The following MYRIP variants were observed in gnomAD, a reference collection of about 807,000 sequenced individuals.
The protein encoded by MYRIP is myosin VIIA and Rab interacting protein.
MYRIP carries 49 observed loss-of-function variants against 98.0 expected under a neutral mutation model. The observed-to-expected ratio is 0.50, with a 90% confidence interval of 0.40 to 0.63. The LOEUF (loss-of-function observed/expected upper bound fraction) is 0.63, where lower values mean the gene tolerates loss of function less well. Among genes scored for constraint, MYRIP ranks in the 30% least tolerant of loss-of-function variants. The pLI is 0.00. For synonymous variants in MYRIP, 404 were observed against 409.5 expected (o/e 0.99, Z 0.16); for missense variants, 1,004 against 1,058.2 (o/e 0.95, Z 0.71).
chr3:39,834,912 A>G (rs1490432127), intron 1 of MYRIP, among the ~76,000 whole-genome samples: 3 of 152,176 alleles, frequency 2.0e-5, no homozygotes, highest in Admixed American at 2.0e-4. Flanking sequence ...AAACAATACA[A>G]TGAGAAAATA....
intron 3 of MYRIP, among the ~76,000 whole-genome samples, chr3:40,073,660 A>G (rs965532012): frequency 2.6e-5 from 4 of 152,220 alleles, no homozygotes; most frequent in African/African-American, 9.7e-5. Context: ...TGCCCTTCTT[A>G]TTAGCATGTA....
intron 2 of MYRIP, among the ~76,000 whole-genome samples, chr3:40,033,062 A>T (rs2125820438): frequency 6.6e-6 from 1 of 151,138 alleles, no homozygotes; most frequent in South Asian, 2.1e-4. Flanking sequence ...TATTGATGGG[A>T]CGTATCTCAA....
At chr3:40,080,782 T>C (rs968441318) in intron 3 of MYRIP, among the ~76,000 whole-genome samples, 3 of 141,580 alleles carry the variant, frequency 2.1e-5, no homozygotes, top group African/African-American at 7.6e-5. Flanking sequence ...TTGTTTTCTA[T>C]CCTAACTTCT....
At chr3:40,105,789 G>A (rs554575290) in intron 3 of MYRIP, among the ~76,000 whole-genome samples, 24 of 152,160 alleles carry the variant, frequency 1.6e-4, no homozygotes, top group African/African-American at 5.5e-4. Context: ...AGGCAGGAAG[G>A]GGCAAGAACC....
At chr3:39,903,897 A>G (rs1943810123) in intron 2 of MYRIP, among the ~76,000 whole-genome samples, 1 of 152,184 alleles carries the variant, frequency 6.6e-6, no homozygotes, top group Non-Finnish European at 1.5e-5. Flanking sequence ...CCTTAGTATC[A>G]TCTAATGTCC....
rs534749211 is a variant in MYRIP at position 40,160,699 on chromosome 3, C to T, written c.470-2031C>T. 4.6e-3 allele frequency among the ~76,000 whole-genome samples: 694 copies of T among 149,990 alleles called. 10 individuals are homozygous for T. Among genetic ancestry groups the T allele is most frequent in the Admixed American group, 6.2e-3 (93 of 15,002 alleles). ...AGGTGCGGGATATAATCTCCTAGTG[C>T]GCCATTTTTTAAGCCTGTCGGAAAA... On this transcript the variant is annotated intron_variant, in intron 4 of 16. Transcript: ENST00000302541.
chr3:40,061,227 C>T (rs1002305006), intron 3 of MYRIP, among the ~76,000 whole-genome samples: 4 of 152,186 alleles, frequency 2.6e-5, no homozygotes, highest in Admixed American at 6.5e-5. Context: ...GCTCCTCTCC[C>T]TTCTCCTACC....
At chr3:40,136,282 A>G (rs561429242) in intron 3 of MYRIP, among the ~76,000 whole-genome samples, 1 of 152,356 alleles carries the variant, frequency 6.6e-6, no homozygotes, top group Non-Finnish European at 1.5e-5. Flanking sequence ...CAAAAGAGAC[A>G]AAGAAGGCCA....
intron 3 of MYRIP, among the ~76,000 whole-genome samples, chr3:40,102,861 T>C (rs1198256468): frequency 2.0e-5 from 3 of 152,042 alleles, no homozygotes; most frequent in Non-Finnish European, 1.5e-5. Context: ...ACCTACACAC[T>C]CCTACAAACA....
chr3:39,887,655 A>G (rs1181439368), intron 1 of MYRIP, among the ~76,000 whole-genome samples: 1 of 152,140 alleles, frequency 6.6e-6, no homozygotes, highest in African/African-American at 2.4e-5. Context: ...CCTATTCAAC[A>G]TAGTGTTGAA....
At chr3:40,241,388 C>A (rs1953010474) in intron 12 of MYRIP, among the ~76,000 whole-genome samples, 1 of 152,144 alleles carries the variant, frequency 6.6e-6, no homozygotes, top group Non-Finnish European at 1.5e-5. Context: ...AGCACTAGAA[C>A]TTGTGGAGAC....
chr3:40,032,815 C>T (rs1947291110), intron 2 of MYRIP, among the ~76,000 whole-genome samples: 1 of 152,114 alleles, frequency 6.6e-6, no homozygotes, highest in South Asian at 2.1e-4. Context: ...ATGCAAAAAT[C>T]CTCAATAAAA....
At chr3:40,236,177 TG>T (rs1054915275) in intron 12 of MYRIP, among the ~76,000 whole-genome samples, 2 of 152,228 alleles carry the variant, frequency 1.3e-5, no homozygotes, top group Non-Finnish European at 2.9e-5. Flanking sequence ...GTGTTACAAT[TG>T]CCTACAGTAT....
chr3:39,959,330 A>G, intron 2 of MYRIP, among the ~76,000 whole-genome samples: 1 of 152,228 alleles, frequency 6.6e-6, no homozygotes, highest in Non-Finnish European at 1.5e-5. Flanking sequence ...ACACCATGGA[A>G]TACTATGCAG....
chr3:40,163,519 T>C (rs1000818233), intron 5 of MYRIP, among the ~76,000 whole-genome samples: 4 of 152,168 alleles, frequency 2.6e-5, no homozygotes, highest in African/African-American at 9.7e-5. Context: ...TCAGTATGAG[T>C]AGGTGTCATC....
intron 1 of MYRIP, among the ~76,000 whole-genome samples, chr3:39,821,026 G>T: frequency 6.6e-6 from 1 of 152,092 alleles, no homozygotes; most frequent in East Asian, 1.9e-4. Flanking sequence ...TTTTATAAAT[G>T]ATCTGAAAGC....
At chr3:40,184,578 G>T (rs1388605090) in intron 9 of MYRIP, among the ~76,000 whole-genome samples, 1 of 152,160 alleles carries the variant, frequency 6.6e-6, no homozygotes, top group Non-Finnish European at 1.5e-5. Context: ...TGCATTATAA[G>T]TGTCTCTCTA....
At chr3:39,986,740 G>A (rs1256320844) in intron 2 of MYRIP, among the ~76,000 whole-genome samples, 1 of 152,186 alleles carries the variant, frequency 6.6e-6, no homozygotes, top group African/African-American at 2.4e-5. Flanking sequence ...AGGGGGTGGA[G>A]TGGATTCCTG....
chr3:40,172,438 G>A (rs1330926340), intron 8 of MYRIP, among the ~76,000 whole-genome samples: 2 of 152,128 alleles, frequency 1.3e-5, no homozygotes, highest in Non-Finnish European at 2.9e-5. Context: ...AAGCGGGAAG[G>A]AACTTGGCAT....
Sources: gnomAD v4.1 joint callset for allele counts (sites outside exome capture counted in the v4.1 genomes callset) on GRCh38, gnomAD v4.1.1 for gene constraint, MANE v1.5 for transcripts, NCBI Gene and HGNC (gene_info 2026-07-23, HGNC 2026-07-21) for gene names.